TENM4: variants seen among roughly 807,000 people sequenced by gnomAD.
TENM4 encodes the protein teneurin-4.
A neutral mutation model predicts 243.3 loss-of-function variants in TENM4; 82 were observed. The ratio of observed to expected loss-of-function variants is 0.34; its 90% confidence interval spans 0.28 to 0.40. The LOEUF is 0.40. Ranked by LOEUF, TENM4 falls within the 10% of genes least tolerant of loss-of-function variation. The probability of loss-of-function intolerance (pLI) is 1.00; values close to 1 mark genes in which losing one functional copy is unlikely to be tolerated. For synonymous variants in TENM4, 1,412 were observed against 1,456.3 expected, an observed-to-expected ratio of 0.97 and a Z score of 0.69; for missense variants, 3,138 against 3,673.3, an observed-to-expected ratio of 0.85 and a Z score of 3.77.
chr11:79,401,883 A>C (rs1858469600), intron 1 of TENM4: 1 of 217,306 alleles, frequency 4.6e-6, no homozygotes, highest in Non-Finnish European at 1.0e-5. Context: ...GGAACACTGA[A>C]GATGCTGGAG....
intron 28 of TENM4, among the ~76,000 whole-genome samples, chr11:78,690,543 T>C (rs894056988): frequency 1.3e-5 from 2 of 152,188 alleles, no homozygotes; most frequent in African/African-American, 2.4e-5. Flanking sequence ...TGAGAGCTCA[T>C]GAGCATGGCC....
At chr11:78,667,947 T>G (rs573007078) in intron 32 of TENM4, among the ~76,000 whole-genome samples, 16 of 152,334 alleles carry the variant, frequency 1.1e-4, no homozygotes, top group Admixed American at 5.2e-4. Flanking sequence ...TGGGACTGGC[T>G]GCTTGCTGGG....
intron 5 of TENM4, chr11:79,067,962 A>G (rs1860307469): frequency 6.6e-6 from 1 of 152,152 alleles, no homozygotes; most frequent in Non-Finnish European, 1.5e-5. Flanking sequence ...TTTGAAGGAG[A>G]GTATTTTGTA....
intron 4 of TENM4, among the ~76,000 whole-genome samples, chr11:79,138,905 C>CATATATATTATATTTA (rs1423883952): frequency 1.2e-5 from 1 of 82,896 alleles, no homozygotes; most frequent in Non-Finnish European, 2.2e-5. Context: ...TATTATATTT[C>CATATATATTATATTTA]TATAAATATA....
chr11:79,395,756 C>T (rs1858331097), intron 1 of TENM4, among the ~76,000 whole-genome samples: 1 of 152,208 alleles, frequency 6.6e-6, no homozygotes. Flanking sequence ...CTGGATAACA[C>T]AGGCCTTGGG....
chr11:79,432,355 T>A (rs1859187370), intron 1 of TENM4, among the ~76,000 whole-genome samples: 1 of 152,238 alleles, frequency 6.6e-6, no homozygotes, highest in Non-Finnish European at 1.5e-5. Context: ...AAGAGCTGCA[T>A]TGCTGACTGG....
intron 6 of TENM4, among the ~76,000 whole-genome samples, chr11:78,937,733 G>C (rs1240536598): frequency 3.9e-5 from 6 of 152,178 alleles, no homozygotes; most frequent in Non-Finnish European, 7.4e-5. Flanking sequence ...AATCAGGAGA[G>C]AGAGATGATA....
At chr11:78,694,591 A>C (rs960512768) in intron 28 of TENM4, among the ~76,000 whole-genome samples, 6 of 152,172 alleles carry the variant, frequency 3.9e-5, no homozygotes, top group Non-Finnish European at 8.8e-5. Context: ...CTGGGGCTGA[A>C]CCCTGGCTTG....
chr11:78,747,844 G>A (rs1042097676), intron 19 of TENM4, among the ~76,000 whole-genome samples: 1 of 152,210 alleles, frequency 6.6e-6, no homozygotes, highest in Non-Finnish European at 1.5e-5. Flanking sequence ...GGATAAAAAT[G>A]CAGAAAGTCT....
chr11:79,363,371 T>C (rs74532032), intron 1 of TENM4, among the ~76,000 whole-genome samples: 4,325 of 152,206 alleles, frequency 0.028, 202 homozygotes, highest in African/African-American at 0.098. Flanking sequence ...AACCGGAATG[T>C]AAAAAAATGT....
intron 6 of TENM4, among the ~76,000 whole-genome samples, chr11:79,009,854 T>C (rs1401955682): frequency 6.6e-6 from 1 of 152,180 alleles, no homozygotes; most frequent in Admixed American, 6.5e-5. Flanking sequence ...CACCCAAATC[T>C]CACCTTGAAT....
intron 9 of TENM4, among the ~76,000 whole-genome samples, chr11:78,876,338 T>C (rs575575920): frequency 6.6e-6 from 1 of 152,342 alleles, no homozygotes; most frequent in East Asian, 1.9e-4. Flanking sequence ...CTGAAAGTCT[T>C]CAGTAAAACA....
intron 6 of TENM4, among the ~76,000 whole-genome samples, chr11:78,921,672 G>A (rs752372796): frequency 6.6e-6 from 1 of 152,168 alleles, no homozygotes; most frequent in Non-Finnish European, 1.5e-5. Flanking sequence ...AGGCAAGGAG[G>A]GAGGTGTCAG....
Position 78,974,728 on chromosome 11 carries a change from T to C in TENM4, c.494-71205A>G, listed in dbSNP as rs558545146. Among the ~76,000 whole-genome samples the C allele has an allele frequency of 2.8e-4, 43 of 150,928 alleles. No individual in the cohort carries two copies. In the East Asian group the frequency reaches 7.6e-3, roughly 27 times the overall value. Reference sequence around the variant, plus strand: ...TTCTGTTTTTCTTTTCTTTTCTTTTTTTTTTTTTTTGAGACAGAGTCCCAG... The same window carrying C: ...TTCTGTTTTTCTTTTCTTTTCTTTTCTTTTTTTTTTGAGACAGAGTCCCAG... On this transcript the variant is annotated intron_variant, in intron 6 of 33. Transcript: ENST00000278550.
intron 28 of TENM4, among the ~76,000 whole-genome samples, chr11:78,692,302 CA>C (rs1438344055): frequency 1.3e-5 from 2 of 152,128 alleles, no homozygotes; most frequent in African/African-American, 4.8e-5. Context: ...CTACACTTGC[CA>C]GTAATGTGAT....
At chr11:78,781,938 C>T (rs1298957608) in intron 16 of TENM4, among the ~76,000 whole-genome samples, 2 of 152,192 alleles carry the variant, frequency 1.3e-5, no homozygotes, top group African/African-American at 4.8e-5. Context: ...CCAGGATCAT[C>T]AGCAAATTAA....
intron 32 of TENM4, among the ~76,000 whole-genome samples, chr11:78,661,908 G>A (rs1235427221): frequency 6.6e-6 from 1 of 152,130 alleles, no homozygotes; most frequent in African/African-American, 2.4e-5. Context: ...GTTGACAGAT[G>A]AAGATCCCTC....
At chr11:79,352,629 G>C (rs1024869808) in intron 1 of TENM4, among the ~76,000 whole-genome samples, 30 of 152,294 alleles carry the variant, frequency 2.0e-4, no homozygotes, top group Non-Finnish European at 2.9e-5. Context: ...ACAGGCCTGG[G>C]CAGGCGAGAG....
intron 6 of TENM4, among the ~76,000 whole-genome samples, chr11:78,978,260 T>G (rs947473691): frequency 6.6e-6 from 1 of 151,766 alleles, no homozygotes; most frequent in Admixed American, 6.6e-5. Flanking sequence ...GTAGATGACA[T>G]GTTGATAAGT....
Sources: gnomAD v4.1 joint callset for allele counts (sites outside exome capture counted in the v4.1 genomes callset) on GRCh38, gnomAD v4.1.1 for gene constraint, MANE v1.5 for transcripts, NCBI Gene and HGNC (gene_info 2026-07-23, HGNC 2026-07-21) for gene names.